The following ZNF277 variants were observed in gnomAD, a reference collection of about 807,000 sequenced individuals.
The protein encoded by ZNF277 is nuclear receptor-interacting factor 4.
ZNF277 carries 55 observed loss-of-function variants against 60.7 expected under a neutral mutation model. The ratio of observed to expected loss-of-function variants is 0.91; its 90% CI spans 0.73 to 1.13. The LOEUF is 1.13. Among genes scored for constraint, ZNF277 ranks in the 50% most tolerant of loss-of-function variants. The pLI, the probability that ZNF277 is intolerant of heterozygous loss-of-function variation, is 0.00. For missense variants in ZNF277, 510 were observed against 523.0 expected, an observed-to-expected ratio of 0.98 and a Z score of 0.24; for synonymous variants, 178 against 179.3, an observed-to-expected ratio of 0.99 and a Z score of 0.06.
chr7:112,294,877 C>G (rs1312247039), intron 2 of ZNF277, among the ~76,000 whole-genome samples: 2 of 152,202 alleles, frequency 1.3e-5, no homozygotes, highest in African/African-American at 4.8e-5. Flanking sequence ...TTCTCTACTT[C>G]TTTAAAACAT....
At chr7:112,216,478 T>C (rs1391581787) in intron 1 of ZNF277, among the ~76,000 whole-genome samples, 1 of 152,104 alleles carries the variant, frequency 6.6e-6, no homozygotes, top group Non-Finnish European at 1.5e-5. Flanking sequence ...CGCAGCTAAA[T>C]TTTGTATTTT....
chr7:112,251,354 G>A (rs368574368), intron 1 of ZNF277, among the ~76,000 whole-genome samples: 17 of 152,282 alleles, frequency 1.1e-4, no homozygotes, highest in African/African-American at 3.4e-4. Flanking sequence ...GTTTCTGCTC[G>A]TACAGATTTT....
chr7:112,340,033 A>T, intron 10 of ZNF277, 148 bp downstream of exon 10: 1 of 719,082 alleles, frequency 1.4e-6, no homozygotes, highest in South Asian at 1.9e-5. Flanking sequence ...CTCTCTGTGA[A>T]GCAGTGATGC....
intron 9 of ZNF277, among the ~76,000 whole-genome samples, chr7:112,338,567 A>G (rs1027092570): frequency 7.9e-5 from 12 of 152,126 alleles, no homozygotes; most frequent in African/African-American, 2.7e-4. Flanking sequence ...CCAATAGTGG[A>G]CCATATTCTC....
chr7:112,308,488 G>A (rs573874798), intron 4 of ZNF277, among the ~76,000 whole-genome samples: 1 of 152,020 alleles, frequency 6.6e-6, no homozygotes, highest in South Asian at 2.1e-4. Flanking sequence ...CTGCACTCTA[G>A]CCTGGACAAC....
intron 5 of ZNF277, among the ~76,000 whole-genome samples, chr7:112,320,899 T>C (rs1386144537): frequency 1.3e-5 from 2 of 150,682 alleles, no homozygotes; most frequent in East Asian, 3.9e-4. Context: ...GTATGATTTT[T>C]AGTTCCCTTG....
chr7:112,254,483 G>A (rs993574092), intron 1 of ZNF277, among the ~76,000 whole-genome samples: 11 of 152,144 alleles, frequency 7.2e-5, no homozygotes, highest in African/African-American at 2.4e-4. Flanking sequence ...TGTGTGTCTG[G>A]GGTTGTGTTG....
At chr7:112,271,452 G>A (rs1268392552) in intron 1 of ZNF277, among the ~76,000 whole-genome samples, 1 of 152,158 alleles carries the variant, frequency 6.6e-6, no homozygotes, top group East Asian at 1.9e-4. Flanking sequence ...TGAGAACATA[G>A]AGTAATTGTC....
chr7:112,325,204 C>T (rs1200531599), intron 5 of ZNF277, among the ~76,000 whole-genome samples: 1 of 152,164 alleles, frequency 6.6e-6, no homozygotes, highest in Admixed American at 6.5e-5. Flanking sequence ...CTTTTCAGAG[C>T]CTGGATATCA....
At chr7:112,249,893 C>T (rs1791164187) in intron 1 of ZNF277, among the ~76,000 whole-genome samples, 1 of 152,078 alleles carries the variant, frequency 6.6e-6, no homozygotes, top group African/African-American at 2.4e-5. Flanking sequence ...GTAATAATTT[C>T]ATTAACTGCA....
intron 1 of ZNF277, among the ~76,000 whole-genome samples, chr7:112,280,481 A>G (rs1791914634): frequency 6.6e-6 from 1 of 152,306 alleles, no homozygotes; most frequent in South Asian, 2.1e-4. Context: ...TGTGTAACAC[A>G]TGTGCAAAGT....
intron 4 of ZNF277, among the ~76,000 whole-genome samples, chr7:112,300,355 TA>T (rs1476534856): frequency 6.6e-6 from 1 of 152,242 alleles, no homozygotes; most frequent in Non-Finnish European, 1.5e-5. Flanking sequence ...AGGATTTCAA[TA>T]GCTTGAACAC....
chr7:112,342,856 CTT>C lies in ZNF277; in HGVS notation c.*130_*131del, dbSNP rs576081517. 9.5e-4 allele frequency: 703 copies of C among 739,812 alleles called. 2 individuals carry two copies. Among genetic ancestry groups the C allele is most frequent in the Non-Finnish European group, 1.2e-3 (627 of 529,954 alleles). The allele number at this position is 739,812 out of a possible 1,614,324, so 45.8% of individuals were successfully genotyped here. On this transcript the variant is annotated 3_prime_UTR_variant, in exon 12 of 12. Coordinates refer to ENST00000361822, the MANE Select transcript of ZNF277 (RefSeq NM_021994.3). Reference sequence around the variant, plus strand: ...AAAGATTGGTCCTTGGTGAAATAAACTTTTCAAAAATGAATGTTCTTTTCAAA... The same window carrying C: ...AAAGATTGGTCCTTGGTGAAATAAACTTCAAAAATGAATGTTCTTTTCAAA...
chr7:112,269,255 T>C (rs1263763521), intron 1 of ZNF277, among the ~76,000 whole-genome samples: 8 of 151,924 alleles, frequency 5.3e-5, no homozygotes, highest in Admixed American at 6.6e-5. Flanking sequence ...TAAAAGACTC[T>C]ACATCTCTTT....
At chr7:112,318,937 T>G (rs140829682) in intron 5 of ZNF277, among the ~76,000 whole-genome samples, 24 of 152,180 alleles carry the variant, frequency 1.6e-4, no homozygotes, top group African/African-American at 5.8e-4. Flanking sequence ...ACTGTACTTA[T>G]GATTACAGTT....
At chr7:112,316,551 A>C (rs540965744) in intron 4 of ZNF277, among the ~76,000 whole-genome samples, 1 of 152,102 alleles carries the variant, frequency 6.6e-6, no homozygotes, top group African/African-American at 2.4e-5. Context: ...TGCTTGCAGA[A>C]GCTTTCTAGT....
At chr7:112,286,786 T>C (rs1792072745) in intron 1 of ZNF277, 87 bp from the exon 2 acceptor site, 4 of 1,114,802 alleles carry the variant, frequency 3.6e-6, no homozygotes, top group Non-Finnish European at 5.0e-6. Context: ...ATCTTTTTAA[T>C]GCAGGAGGTG....
chr7:112,319,570 C>T (rs1040942262), intron 5 of ZNF277, among the ~76,000 whole-genome samples: 1 of 150,628 alleles, frequency 6.6e-6, no homozygotes, highest in African/African-American at 2.4e-5. Flanking sequence ...TAGCCCAGCA[C>T]AGTAACTGAC....
At chr7:112,251,632 C>G (rs1055039745) in intron 1 of ZNF277, among the ~76,000 whole-genome samples, 9 of 152,114 alleles carry the variant, frequency 5.9e-5, no homozygotes, top group African/African-American at 2.2e-4. Flanking sequence ...CTGCAATATT[C>G]TTTACTAGTG....
Sources: gnomAD v4.1 joint callset for allele counts (sites outside exome capture counted in the v4.1 genomes callset) on GRCh38, gnomAD v4.1.1 for gene constraint, MANE v1.5 for transcripts, NCBI Gene and HGNC (gene_info 2026-07-23, HGNC 2026-07-21) for gene names.